The following CTNNA2 variants were observed in gnomAD, a reference collection of about 807,000 sequenced individuals.
CTNNA2 encodes catenin alpha 2.
CTNNA2 carries 42 observed loss-of-function variants against 101.0 expected under a neutral mutation model. That is an observed-to-expected ratio of 0.42 (90% CI 0.32 to 0.54). The LOEUF (loss-of-function observed/expected upper bound fraction) is 0.54, where lower values mean the gene tolerates loss of function less well. CTNNA2 is among the 20% of genes least tolerant of loss of function. The probability of loss-of-function intolerance (pLI) is 0.14; values close to 1 mark genes in which losing one functional copy is unlikely to be tolerated. For synonymous variants in CTNNA2, 450 were observed against 456.4 expected, an observed-to-expected ratio of 0.99 and a Z score of 0.18; for missense variants, 871 against 1,223.1, an observed-to-expected ratio of 0.71 and a Z score of 4.29.
intron 9 of CTNNA2, among the ~76,000 whole-genome samples, chr2:80,422,747 T>G (rs553314133): frequency 3.7e-4 from 56 of 152,322 alleles, no homozygotes; most frequent in African/African-American, 1.3e-3. Flanking sequence ...ATCAAAGTTA[T>G]GCTTTCCCTT....
chr2:80,481,867 G>A (rs1172307878), intron 9 of CTNNA2, among the ~76,000 whole-genome samples: 1 of 152,022 alleles, frequency 6.6e-6, no homozygotes. Context: ...AGGACTTCAT[G>A]CCTTCCACAA....
intron 7 of CTNNA2, among the ~76,000 whole-genome samples, chr2:80,341,502 GA>G (rs1455255300): frequency 2.0e-5 from 3 of 152,230 alleles, no homozygotes; most frequent in Non-Finnish European, 2.9e-5. Context: ...ATAAGCACAT[GA>G]AAATATCCTC....
intron 7 of CTNNA2, among the ~76,000 whole-genome samples, chr2:80,253,460 A>G (rs1002706417): frequency 2.0e-5 from 3 of 151,780 alleles, no homozygotes; most frequent in African/African-American, 4.8e-5. Flanking sequence ...TGGAGCCTCG[A>G]CTCTCTAGTT....
intron 7 of CTNNA2, among the ~76,000 whole-genome samples, chr2:79,961,814 T>C (rs1574416678): frequency 9.9e-6 from 1 of 100,592 alleles, no homozygotes; most frequent in African/African-American, 4.2e-5. Flanking sequence ...AGAGCGAGAC[T>C]CCGTCTCAAA....
At chr2:80,645,736 C>T (rs1009511942) in intron 18 of CTNNA2, among the ~76,000 whole-genome samples, 6 of 151,030 alleles carry the variant, frequency 4.0e-5, no homozygotes, top group African/African-American at 1.5e-4. Context: ...TTTGCTTTTC[C>T]TTAGCTATCT....
At chr2:79,530,798 A>G (rs1672690917) in intron 1 of CTNNA2, among the ~76,000 whole-genome samples, 1 of 152,036 alleles carries the variant, frequency 6.6e-6, no homozygotes, top group Admixed American at 6.6e-5. Flanking sequence ...GCTGAAAGGG[A>G]AGTGAGAGGG....
chr2:79,314,522 T>C (rs1350741429), intron 3 of CTNNA2, among the ~76,000 whole-genome samples: 1 of 152,174 alleles, frequency 6.6e-6, no homozygotes, highest in East Asian at 1.9e-4. Context: ...ATATTGAGGA[T>C]CCAGTAGTAA....
chr2:80,224,934 C>A (rs934568416), intron 7 of CTNNA2, among the ~76,000 whole-genome samples: 15 of 152,142 alleles, frequency 9.9e-5, no homozygotes, highest in African/African-American at 2.9e-4. Context: ...TCCACCTAAC[C>A]CCCCTGCCCA....
chr2:80,031,549 A>G (rs1695287860), intron 7 of CTNNA2, among the ~76,000 whole-genome samples: 3 of 152,220 alleles, frequency 2.0e-5, no homozygotes, highest in African/African-American at 4.8e-5. Context: ...ATCTGTACCC[A>G]TGATTCAGTT....
chr2:79,257,196 A>T (rs1164501659), intron 2 of CTNNA2, among the ~76,000 whole-genome samples: 16 of 152,190 alleles, frequency 1.1e-4, no homozygotes, highest in Non-Finnish European at 7.3e-5. Flanking sequence ...TGACACACAT[A>T]TACACAACCA....
chr2:80,554,497 G>T (rs1280571197), intron 11 of CTNNA2, among the ~76,000 whole-genome samples: 1 of 152,072 alleles, frequency 6.6e-6, no homozygotes, highest in South Asian at 2.1e-4. Context: ...GGTTCTGGAG[G>T]CTGGGAAGTC....
chr2:80,419,661 C>G, intron 9 of CTNNA2, 60 bp downstream of exon 9: 2 of 1,514,088 alleles, frequency 1.3e-6, no homozygotes, highest in South Asian at 2.5e-5. Context: ...CTGCATATGG[C>G]TCTTAGAATT....
chr2:80,045,681 TG>T (rs1409780472), intron 7 of CTNNA2, among the ~76,000 whole-genome samples: 1 of 152,204 alleles, frequency 6.6e-6, no homozygotes, highest in African/African-American at 2.4e-5. Context: ...TTTCTGAATT[TG>T]TCCAGAATAG....
At chr2:80,208,657 A>G (rs1707686992) in intron 7 of CTNNA2, among the ~76,000 whole-genome samples, 1 of 152,194 alleles carries the variant, frequency 6.6e-6, no homozygotes, top group Non-Finnish European at 1.5e-5. Flanking sequence ...CTCGCGTACC[A>G]TCCCTAAGGA....
At chr2:79,678,906 A>G (rs1348510737) in intron 2 of CTNNA2, among the ~76,000 whole-genome samples, 1 of 152,156 alleles carries the variant, frequency 6.6e-6, no homozygotes, top group Non-Finnish European at 1.5e-5. Context: ...TAAAATCTAC[A>G]GCATCTTCTG....
At chr2:80,605,855 T>C (rs1697958745) in intron 16 of CTNNA2, among the ~76,000 whole-genome samples, 1 of 151,942 alleles carries the variant, frequency 6.6e-6, no homozygotes, top group African/African-American at 2.4e-5. Context: ...ACTATGAGAA[T>C]TTGAGAACTG....
At chr2:80,436,075 A>G (rs1681998787) in intron 9 of CTNNA2, among the ~76,000 whole-genome samples, 1 of 152,208 alleles carries the variant, frequency 6.6e-6, no homozygotes, top group African/African-American at 2.4e-5. Context: ...AATAAGCCCC[A>G]TCCAAAGTGA....
intron 7 of CTNNA2, among the ~76,000 whole-genome samples, chr2:80,098,249 G>T (rs1700292197): frequency 1.3e-5 from 2 of 152,184 alleles, no homozygotes; most frequent in Admixed American, 1.3e-4. Context: ...CTGCAGGTCT[G>T]TTGGAGTTTG....
intron 17 of CTNNA2, among the ~76,000 whole-genome samples, chr2:80,612,313 C>T (rs1354816232): frequency 3.3e-5 from 5 of 151,472 alleles, no homozygotes; most frequent in Non-Finnish European, 7.4e-5. Context: ...TTACAATCAA[C>T]ATGAATATTC....
Sources: allele counts gnomAD v4.1 joint callset (sites outside exome capture counted in the v4.1 genomes callset), GRCh38; gene constraint gnomAD v4.1.1; transcripts MANE v1.5; gene names NCBI Gene and HGNC (gene_info 2026-07-23, HGNC 2026-07-21).